The following PBK variants were observed in gnomAD, a reference collection of about 807,000 sequenced individuals.
PBK encodes lymphokine-activated killer T-cell-originated protein kinase.
PBK carries 22 observed loss-of-function variants against 33.5 expected under a neutral mutation model. The observed-to-expected ratio is 0.66, with a 90% CI of 0.47 to 0.94. The LOEUF is 0.94. PBK is among the 40% of genes least tolerant of loss of function. PBK has a pLI of 0.00. For missense variants in PBK, 376 were observed against 383.4 expected (o/e 0.98, Z 0.16); for synonymous variants, 129 against 123.8 (o/e 1.04, Z -0.28).
At position 27,822,480 on chromosome 8, in the gene PBK, C is replaced by A; in HGVS notation, c.304G>T (p.Ala102Ser). ...LHHPNIVGYR[A>S]FTEANDGSLC... ...CTGCCATCATTGGCTTCAGTAAAAG[C>A]ACGATAACCTTAAAGAAAACATGAC... Residue 102 changes from alanine to serine, a missense_variant, in exon 5 of 8, where the codon GCT becomes TCT. Physicochemically the swap from Ala to Ser is moderately conservative, Grantham distance 99. Transcript: ENST00000301905. 4 of 1,597,372 alleles carry A rather than the reference C, an allele frequency of 2.5e-6. No individual in the cohort carries two copies. The South Asian group carries it at 4.5e-5, about 18-fold the overall frequency.
At position 27,820,710 on chromosome 8, in the gene PBK, A is replaced by C; in HGVS notation, c.466-16T>G. On this transcript the variant is annotated splice_polypyrimidine_tract_variant and intron_variant, in intron 5 of 7. Coordinates refer to ENST00000301905, the MANE Select transcript of PBK (RefSeq NM_018492.4). ...GGTGCAGATACTAAAATAGTAAAAAATTTAACACATATGTGCAGAAACACA... is the reference window on the plus strand; with the variant it reads ...GGTGCAGATACTAAAATAGTAAAAACTTTAACACATATGTGCAGAAACACA... 6.9e-7 allele frequency: 1 copy of C among 1,451,488 alleles called. No homozygotes were observed. Among genetic ancestry groups the C allele is most frequent in the Non-Finnish European group, 9.4e-7 (1 of 1,062,652 alleles). The allele number at this position is 1,451,488 out of a possible 1,614,324, so 89.9% of individuals were successfully genotyped here.
At chr8:27,820,230 A>C (rs1460225339) in intron 6 of PBK, among the ~76,000 whole-genome samples, 1 of 152,208 alleles carries the variant, frequency 6.6e-6, no homozygotes, top group Non-Finnish European at 1.5e-5. Context: ...TACTCATGCT[A>C]AATAAACCGC....
At chr8:27,820,766 T>C in intron 5 of PBK, 72 bp from the exon 6 acceptor site, 3 of 780,830 alleles carry the variant, frequency 3.8e-6, no homozygotes, top group Non-Finnish European at 4.0e-6. Context: ...AACCTCCAAA[T>C]ATAACAACTT....
chr8:27,832,782 G>C (rs1009226230), intron 2 of PBK, among the ~76,000 whole-genome samples: 1 of 152,214 alleles, frequency 6.6e-6, no homozygotes, highest in Non-Finnish European at 1.5e-5. Context: ...GGATGAGAGG[G>C]AGAAAGGTAA....
intron 3 of PBK, among the ~76,000 whole-genome samples, chr8:27,824,784 C>A (rs900721246): frequency 6.6e-6 from 1 of 152,058 alleles, no homozygotes; most frequent in African/African-American, 2.4e-5. Flanking sequence ...AAAAGGAAAA[C>A]CACAAGCCAA....
At chr8:27,823,338 T>G in intron 3 of PBK, 133 bp from the exon 4 acceptor site, 6 of 587,828 alleles carry the variant, frequency 1.0e-5, no homozygotes, top group Non-Finnish European at 1.8e-5. Flanking sequence ...TAGTTTGGAC[T>G]ATGAACACCT....
rs1250090719 is a variant in PBK, at chr8:27,810,382, A to G, written c.892T>C (p.Ser298Pro). The G allele has an allele frequency of 6.8e-6, 11 of 1,610,340 alleles. No individual in the cohort carries two copies. The highest frequency in any genetic ancestry group is 1.7e-6 in the Non-Finnish European group (2 of 1,176,700). ...ESYQKVIELFSVCTNEDPKDR... is the reference protein window; with the variant it reads ...ESYQKVIELFPVCTNEDPKDR... ...TTAGGGTCTTCATTAGTGCATACAG[A>G]GAAGAGTTCAATTACTTTCTGGTAT... The change falls in exon 8 of 8, where the codon TCT (serine) becomes CCT (proline). Residue 298 changes from serine (S) to proline (P), a missense_variant. Transcript: ENST00000301905.
At chr8:27,832,477 AT>A (rs1281474648) in intron 2 of PBK, among the ~76,000 whole-genome samples, 1 of 152,236 alleles carries the variant, frequency 6.6e-6, no homozygotes. Flanking sequence ...TCATCCACAA[AT>A]GACCAACCAT....
intron 1 of PBK, among the ~76,000 whole-genome samples, chr8:27,836,204 G>C (rs549354524): frequency 6.6e-6 from 1 of 152,218 alleles, no homozygotes; most frequent in South Asian, 2.1e-4. Flanking sequence ...CTTCCAGAGA[G>C]AGGACAAGAA....
At chr8:27,828,012 T>A in intron 3 of PBK, 93 bp downstream of exon 3, 1 of 672,114 alleles carries the variant, frequency 1.5e-6, no homozygotes, top group Non-Finnish European at 2.7e-6. Context: ...CAACCGAATC[T>A]AAATACTGGA....
chr8:27,832,633 G>T (rs1019647979), intron 2 of PBK, among the ~76,000 whole-genome samples: 1 of 152,188 alleles, frequency 6.6e-6, no homozygotes, highest in East Asian at 1.9e-4. Context: ...AAATTTAATT[G>T]TAGCTATTTT....
rs536495725 is a variant in PBK, at chr8:27,813,283, A to G, written c.596-2149T>C. Among the ~76,000 whole-genome samples, 7 of 152,112 alleles carry G rather than the reference A, an allele frequency of 4.6e-5. No homozygotes were observed. The East Asian group carries it at 1.4e-3, about 29-fold the overall frequency. ...AACTGAACAATAAGAACACTTGGACACAGGGTGGGGAACATCACACCCTGG... is the reference window on the plus strand; with the variant it reads ...AACTGAACAATAAGAACACTTGGACGCAGGGTGGGGAACATCACACCCTGG... On this transcript the variant is annotated intron_variant, in intron 6 of 7. Coordinates refer to ENST00000301905, the MANE Select transcript of PBK (RefSeq NM_018492.4).
chr8:27,833,254 G>A (rs1259661506), intron 1 of PBK, 121 bp from the exon 2 acceptor site: 3 of 524,902 alleles, frequency 5.7e-6, no homozygotes, highest in Non-Finnish European at 9.9e-6. Flanking sequence ...CACTTTGGGA[G>A]GCTGAGGTGG....
intron 6 of PBK, among the ~76,000 whole-genome samples, chr8:27,813,911 TTTTC>T (rs1805756231): frequency 6.7e-6 from 1 of 150,254 alleles, no homozygotes; most frequent in African/African-American, 2.5e-5. Context: ...TATGATTTTT[TTTTC>T]TTATCAGTTT....
intron 6 of PBK, among the ~76,000 whole-genome samples, chr8:27,818,324 T>C (rs1216928646): frequency 6.6e-6 from 1 of 152,248 alleles, no homozygotes; most frequent in Non-Finnish European, 1.5e-5. Context: ...AATCTTTTTA[T>C]TTACTAGCAA....
intron 1 of PBK, among the ~76,000 whole-genome samples, chr8:27,834,668 C>T (rs1385589868): frequency 3.3e-5 from 5 of 152,084 alleles, no homozygotes; most frequent in Admixed American, 6.5e-5. Context: ...CCAAGGCAGG[C>T]GGATCAGTTG....
chr8:27,813,953 A>C (rs1805758686), intron 6 of PBK, among the ~76,000 whole-genome samples: 1 of 146,428 alleles, frequency 6.8e-6, no homozygotes, highest in Non-Finnish European at 1.5e-5. Flanking sequence ...GCAGGTGTAC[A>C]TGTTTATGTG....
At chr8:27,825,016 AT>A (rs111963987) in intron 3 of PBK, among the ~76,000 whole-genome samples, 23,841 of 152,086 alleles carry the variant, frequency 0.16, 2,345 homozygotes, top group East Asian at 0.36. Flanking sequence ...GCAAATGGAT[AT>A]TTTTTAGACA....
chr8:27,813,332 G>A, intron 6 of PBK, among the ~76,000 whole-genome samples: 1 of 151,970 alleles, frequency 6.6e-6, no homozygotes, highest in Non-Finnish European at 1.5e-5. Context: ...GTAGGGGGGA[G>A]GGATAGCATT....
Sources: allele counts gnomAD v4.1 joint callset (sites outside exome capture counted in the v4.1 genomes callset), GRCh38; gene constraint gnomAD v4.1.1; transcripts MANE v1.5; gene names NCBI Gene and HGNC (gene_info 2026-07-23, HGNC 2026-07-21).